The following PBX3 variants were observed in gnomAD, a reference collection of about 807,000 sequenced individuals.
PBX3 encodes PBX homeobox 3, also known as pre-B-cell leukemia transcription factor 3.
A neutral mutation model predicts 48.5 loss-of-function variants in PBX3; 14 were observed. The observed-to-expected ratio is 0.29, with a 90% confidence interval of 0.19 to 0.45. The LOEUF is 0.45. Ranked by LOEUF, PBX3 falls within the 20% of genes least tolerant of loss-of-function variation. The pLI is 1.00. For synonymous variants in PBX3, 210 were observed against 200.3 expected, an observed-to-expected ratio of 1.05 and a Z score of -0.41; for missense variants, 386 against 546.7, an observed-to-expected ratio of 0.71 and a Z score of 2.93.
intron 2 of PBX3, among the ~76,000 whole-genome samples, chr9:125,767,478 C>T (rs1355331085): frequency 1.3e-5 from 2 of 152,190 alleles, no homozygotes; most frequent in African/African-American, 4.8e-5. Flanking sequence ...CCACCATTCA[C>T]AGGTATCTAT....
At chr9:125,823,253 G>GT (rs1479195478) in intron 2 of PBX3, among the ~76,000 whole-genome samples, 1 of 152,150 alleles carries the variant, frequency 6.6e-6, no homozygotes, top group African/African-American at 2.4e-5. Context: ...TTCAGTCACT[G>GT]TAATATATAA....
chr9:125,964,218 GAA>G (rs964093854), intron 8 of PBX3, among the ~76,000 whole-genome samples: 1 of 151,800 alleles, frequency 6.6e-6, no homozygotes, highest in Non-Finnish European at 1.5e-5. Context: ...AATTTATTTT[GAA>G]AAAAAAGAAT....
chr9:125,951,964 T>A (rs1359480072), intron 5 of PBX3, among the ~76,000 whole-genome samples: 2 of 152,220 alleles, frequency 1.3e-5, no homozygotes, highest in Non-Finnish European at 2.9e-5. Context: ...CCATTAACTT[T>A]AAAAAATTGA....
At chr9:125,933,914 A>G (rs567277114) in intron 4 of PBX3, among the ~76,000 whole-genome samples, 10 of 152,130 alleles carry the variant, frequency 6.6e-5, no homozygotes, top group Admixed American at 3.9e-4. Flanking sequence ...GTACCTCTTC[A>G]ATGTGCTCTC....
At chr9:125,841,455 T>A (rs1839288190) in intron 2 of PBX3, among the ~76,000 whole-genome samples, 1 of 152,174 alleles carries the variant, frequency 6.6e-6, no homozygotes, top group Non-Finnish European at 1.5e-5. Flanking sequence ...TGTGATGTGG[T>A]AGGCACCAGA....
chr9:125,847,167 G>C (rs557656288), intron 2 of PBX3, among the ~76,000 whole-genome samples: 2 of 151,866 alleles, frequency 1.3e-5, no homozygotes, highest in Non-Finnish European at 2.9e-5. Flanking sequence ...CTCTTTATTG[G>C]TAATGTTGGC....
chr9:125,816,302 C>A (rs985033428), intron 2 of PBX3, among the ~76,000 whole-genome samples: 3 of 152,072 alleles, frequency 2.0e-5, no homozygotes, highest in Admixed American at 2.0e-4. Context: ...CCGGCTCTTC[C>A]CCCTTCTCAA....
At chr9:125,890,823 A>C (rs1279691263) in intron 2 of PBX3, among the ~76,000 whole-genome samples, 2 of 152,276 alleles carry the variant, frequency 1.3e-5, no homozygotes, top group Non-Finnish European at 2.9e-5. Flanking sequence ...GATTAAAAAA[A>C]GAAGCCTTGC....
At chr9:125,780,769 G>C (rs7859239) in intron 2 of PBX3, among the ~76,000 whole-genome samples, 5,759 of 137,746 alleles carry the variant, frequency 0.042, 461 homozygotes, top group African/African-American at 0.16. Flanking sequence ...TGGCCGGGCG[G>C]GGGGCTGACC....
intron 5 of PBX3, chr9:125,949,485 A>T: frequency 6.5e-7 from 1 of 1,550,226 alleles, no homozygotes; most frequent in Non-Finnish European, 8.7e-7. Flanking sequence ...AGGGAGGGGC[A>T]TGAGGGTGTG....
intron 2 of PBX3, among the ~76,000 whole-genome samples, chr9:125,911,583 T>A (rs1260837929): frequency 6.6e-6 from 1 of 152,178 alleles, no homozygotes; most frequent in African/African-American, 2.4e-5. Context: ...GCTGAAAATA[T>A]CTCATCTGGC....
intron 2 of PBX3, among the ~76,000 whole-genome samples, chr9:125,791,811 C>T (rs1189487998): frequency 3.3e-5 from 5 of 151,864 alleles, no homozygotes; most frequent in African/African-American, 1.2e-4. Flanking sequence ...TGGCAGGCGC[C>T]TGTAGTCCCA....
chr9:125,927,798 G>A (rs1841611484), intron 3 of PBX3, among the ~76,000 whole-genome samples: 1 of 152,212 alleles, frequency 6.6e-6, no homozygotes, highest in African/African-American at 2.4e-5. Context: ...TAGCAGCTCA[G>A]GAGGCTGAGG....
intron 3 of PBX3, 48 bp from the exon 4 acceptor site, chr9:125,929,607 G>T (rs770134497): frequency 1.5e-6 from 2 of 1,321,570 alleles, no homozygotes. Context: ...ATGTCTTCGT[G>T]TGATAGTAGA....
At chr9:125,907,584 C>T (rs903112730) in intron 2 of PBX3, among the ~76,000 whole-genome samples, 6 of 151,912 alleles carry the variant, frequency 3.9e-5, no homozygotes, top group East Asian at 1.9e-4. Flanking sequence ...TTCTTGAGTT[C>T]GTGGTATCCC....
At chr9:125,803,529 A>G (rs989329775) in intron 2 of PBX3, among the ~76,000 whole-genome samples, 1 of 150,154 alleles carries the variant, frequency 6.7e-6, no homozygotes, top group Non-Finnish European at 1.5e-5. Flanking sequence ...CCTCTTTGTC[A>G]TGACCTTGGC....
In PBX3 at chr9:125,935,410, C is replaced by T. The variant is rs1588313848; in HGVS notation, c.708-62C>T. The T allele has an allele frequency of 3.2e-5, 48 of 1,481,236 alleles. 1 individual carries two copies. In the South Asian group the frequency reaches 5.4e-4, roughly 17 times the overall value. 91.8% of individuals were successfully genotyped at this position (1,481,236 alleles called of 1,614,324 possible). A position where few individuals can be genotyped will look rare whatever the true frequency, so the allele number is the denominator to read the frequency against. On this transcript the variant is annotated intron_variant, in intron 4 of 8. Coordinates refer to ENST00000373489, the MANE Select transcript of PBX3 (RefSeq NM_006195.6). The stretch of plus-strand genomic sequence containing the variant: ...ACTTTTTTGGTATCATCCTAATTAA[C>T]CCATCCCTCTTAGGTTAATGCTGAT...
At chr9:125,835,568 A>G (rs930200417) in intron 2 of PBX3, among the ~76,000 whole-genome samples, 1 of 152,236 alleles carries the variant, frequency 6.6e-6, no homozygotes, top group Non-Finnish European at 1.5e-5. Flanking sequence ...CTAAATAGAC[A>G]TTTCTCAAAA....
chr9:125,822,157 G>A (rs555855779), intron 2 of PBX3, among the ~76,000 whole-genome samples: 11 of 152,168 alleles, frequency 7.2e-5, no homozygotes, highest in South Asian at 4.1e-4. Flanking sequence ...TCCTAAATAA[G>A]TAAAATTAAA....
Sources: allele counts gnomAD v4.1 joint callset (sites outside exome capture counted in the v4.1 genomes callset), GRCh38; gene constraint gnomAD v4.1.1; transcripts MANE v1.5; gene names NCBI Gene and HGNC (gene_info 2026-07-23, HGNC 2026-07-21).